Variants in TYK2 observed in about 807,000 individuals in gnomAD.
TYK2 encodes tyrosine kinase 2.
TYK2 carries 65 observed loss-of-function variants against 130.9 expected under a neutral mutation model. The observed-to-expected ratio is 0.50, with a 90% confidence interval of 0.41 to 0.61. The LOEUF (loss-of-function observed/expected upper bound fraction) is 0.61. Among genes scored for constraint, TYK2 ranks in the 20% least tolerant of loss-of-function variants. The probability of loss-of-function intolerance (pLI) is 0.00; values close to 1 mark genes in which losing one functional copy is unlikely to be tolerated. For missense variants in TYK2, 1,378 were observed against 1,610.7 expected (o/e 0.86, Z 2.47); for synonymous variants, 647 against 658.9 (o/e 0.98, Z 0.28).
At chr19:10,366,001 A>C in intron 6 of TYK2, 103 bp from the exon 7 acceptor site, 1 of 1,291,978 alleles carries the variant, frequency 7.7e-7, no homozygotes, top group Non-Finnish European at 1.0e-6. Flanking sequence ...CAGCTGCCTC[A>C]TCTGGAAAAC....
intron 3 of TYK2, among the ~76,000 whole-genome samples, chr19:10,374,410 C>T (rs1391339161): frequency 6.6e-5 from 10 of 150,594 alleles, no homozygotes; most frequent in Non-Finnish European, 5.9e-5. Context: ...ATGGTGAAAC[C>T]CCCGTCTCTA....
At position 10,353,610 on chromosome 19, in the gene TYK2, G is replaced by T; in HGVS notation, c.2945C>A (p.Pro982His). ...KSLQLVMEYV[P>H]LGSLRDYLPR... Reference sequence around the variant, plus strand: ...CAGGTAGTCTCGGAGGCTGCCCAGGGGCACGTACTCCATGACCAGCTGCAG... The same window carrying T: ...CAGGTAGTCTCGGAGGCTGCCCAGGTGCACGTACTCCATGACCAGCTGCAG... Residue 982 changes from proline (P) to histidine (H), a missense_variant, in exon 21 of 25, where the codon CCC becomes CAC. By Grantham distance (77) the Pro-to-His change is moderately conservative. Transcript: ENST00000525621. The surrounding 1 kb of genome is among the most constrained non-coding windows in gnomAD (Gnocchi z 6.9). The T allele has an allele frequency of 1.4e-6, 2 of 1,480,512 alleles. No individual in the cohort carries two copies. The highest frequency in any genetic ancestry group is 1.8e-6 in the Non-Finnish European group (2 of 1,114,026). 91.7% of individuals were successfully genotyped at this position (1,480,512 alleles called of 1,614,324 possible). A position where few individuals can be genotyped will look rare whatever the true frequency, so the allele number is the denominator to read the frequency against.
intron 9 of TYK2, 57 bp from the exon 10 acceptor site, chr19:10,362,714 C>A (rs954128164): frequency 6.9e-7 from 1 of 1,453,028 alleles, no homozygotes; most frequent in Admixed American, 2.0e-5. Flanking sequence ...GGACCCATAC[C>A]CGGGAACAAT....
Position 10,368,223 on chromosome 19 carries a change from G to A in TYK2, c.318-21C>T, listed in dbSNP as rs369670019. On this transcript the variant is annotated intron_variant, in intron 4 of 24. Transcript: ENST00000525621. ...AAAACCTGCAGGAAGGAGGGACGCA[G>A]CTGGGGCTTAGCACAGAGTCAGACC... The A allele has an allele frequency of 1.9e-6, 3 of 1,614,022 alleles. No individual in the cohort carries two copies. The Admixed American group carries it at 5.0e-5, about 27-fold the overall frequency.
chr19:10,364,952 G>A lies in TYK2; in HGVS notation c.1108C>T (p.Arg370Trp), dbSNP rs550060811. 369 of 1,614,102 alleles carry A rather than the reference G, an allele frequency of 2.3e-4. 5 individuals are homozygous for A. In the South Asian group the frequency reaches 3.9e-3, roughly 17 times the overall value. The part of the protein sequence containing the change: ...KAVGQPADRP[R>W]EPLWAYFCDF... ...CAGAAGTAGGCCCACAGTGGCTCCC[G>A]CGGCCTGTCTGCCGGCTGGCCGACT... The change falls in exon 8 of 25, where the codon CGG becomes TGG. Residue 370 changes from arginine (R) to tryptophan (W), a missense_variant. Coordinates refer to ENST00000525621, the MANE Select transcript of TYK2 (RefSeq NM_003331.5). This position sits in a 1 kb window ranked among gnomAD's most constrained non-coding sequence, Gnocchi z 4.9.
At chr19:10,372,690 G>A (rs931964385) in intron 3 of TYK2, among the ~76,000 whole-genome samples, 2 of 149,274 alleles carry the variant, frequency 1.3e-5, no homozygotes, top group East Asian at 2.0e-4. Flanking sequence ...GGGGTTTCGC[G>A]ATGTTGCCCA....
rs376912822 is a variant in TYK2, at chr19:10,362,677, G to T, written c.1368-20C>A. 6.5e-7 allele frequency: 1 copy of T among 1,549,360 alleles called. No individual in the cohort carries two copies. The highest frequency in any genetic ancestry group is 2.0e-5 in the Admixed American group (1 of 50,974). ...GGCTCCCTGGAAGGTGGTCCAGGGG[G>T]ACTATCAGGCCACCTGGGGCCACTC... is the stretch of plus-strand genomic sequence containing the variant. On this transcript the variant is annotated intron_variant, in intron 9 of 24. Transcript: ENST00000525621.
rs2040901358 is a variant in TYK2, at chr19:10,353,184, G to A, written c.3028-86C>T. 3.9e-6 allele frequency: 5 copies of A among 1,269,534 alleles called. 1 individual carries two copies. The South Asian group carries it at 6.8e-5, about 17-fold the overall frequency. The allele number at this position is 1,269,534 out of a possible 1,614,324, so 78.6% of individuals were successfully genotyped here. A position where few individuals can be genotyped will look rare whatever the true frequency, so the allele number is the denominator to read the frequency against. On this transcript the variant is annotated intron_variant, in intron 21 of 24. Transcript: ENST00000525621. The surrounding 1 kb of genome is among the most constrained non-coding windows in gnomAD (Gnocchi z 6.9). ...AGGACCTGAGCAGCCAGGAGGGCTG[G>A]GGGACAGTCAGGTCAGGCCGGTGGC...
At chr19:10,372,508 G>C (rs867663122) in intron 3 of TYK2, among the ~76,000 whole-genome samples, 1 of 11,492 alleles carries the variant, frequency 8.7e-5, no homozygotes, top group Admixed American at 8.4e-4. Context: ...TTTTTTTTTT[G>C]AGACAGCATC....
chr19:10,359,150 C>T (rs2041263031), intron 15 of TYK2, 25 bp downstream of exon 15: 1 of 1,598,860 alleles, frequency 6.3e-7, no homozygotes, highest in Admixed American at 1.7e-5. Context: ...CTGACCGACC[C>T]AGGCCCCACA....
At chr19:10,356,495 C>A in intron 18 of TYK2, 73 bp downstream of exon 18, 1 of 1,583,280 alleles carries the variant, frequency 6.3e-7, no homozygotes, top group Non-Finnish European at 8.6e-7. Flanking sequence ...ACCTCTCGTG[C>A]GCTATAGGCA....
At chr19:10,374,376 G>A (rs2042029565) in intron 3 of TYK2, among the ~76,000 whole-genome samples, 1 of 151,698 alleles carries the variant, frequency 6.6e-6, no homozygotes, top group African/African-American at 2.4e-5. Context: ...TTGAGGTCAG[G>A]AGTTCGAGAC....
In TYK2 at chr19:10,372,458, CTATATA is replaced by C. The variant is rs569826524; in HGVS notation, c.194-4046_194-4041del. ...TACAGGAACACGCCACCACACACAG[CTATATA>C]TATATATATATATATATATATTTTT... On this transcript the variant is annotated intron_variant, in intron 3 of 24. Transcript: ENST00000525621. 8.6e-3 allele frequency among the ~76,000 whole-genome samples: 394 copies of C among 45,856 alleles called. 4 individuals carry two copies. Among genetic ancestry groups the C allele is most frequent in the Non-Finnish European group, 9.7e-3 (280 of 28,934 alleles). 30.1% of individuals were successfully genotyped at this position (45,856 alleles called of 152,430 possible).
In TYK2 at chr19:10,365,904, G is replaced by A. The variant is rs1297456436; in HGVS notation, c.630-6C>T. 12 of 1,602,536 alleles carry A rather than the reference G, an allele frequency of 7.5e-6. No individual in the cohort carries two copies. The Middle Eastern group carries it at 5.1e-4, about 69-fold the overall frequency. On this transcript the variant is annotated splice_region_variant and splice_polypyrimidine_tract_variant and intron_variant, in intron 6 of 24. Coordinates refer to ENST00000525621, the MANE Select transcript of TYK2 (RefSeq NM_003331.5). ...GCGGGATGCAGTCCTTGAAGCTGGG[G>A]GGAAACACAGTGAGGGGCTGGTCAG...
intron 7 of TYK2, 110 bp from the exon 8 acceptor site, chr19:10,365,158 G>T: frequency 1.6e-6 from 2 of 1,262,568 alleles, no homozygotes; most frequent in South Asian, 1.5e-5. Context: ...CACCAACCTA[G>T]GTTGACCTCC....
chr19:10,366,308 G>GAAA, intron 6 of TYK2, 109 bp downstream of exon 6: 20 of 982,904 alleles, frequency 2.0e-5, no homozygotes, highest in Middle Eastern at 3.6e-4. Flanking sequence ...CTCCGGCTCA[G>GAAA]AAAAAAAAAA....
rs981530820 is a variant in TYK2, at chr19:10,353,262, CT to C, written c.3028-165del. On this transcript the variant is annotated intron_variant, in intron 21 of 24. Coordinates refer to ENST00000525621, the MANE Select transcript of TYK2 (RefSeq NM_003331.5). This position sits in a 1 kb window ranked among gnomAD's most constrained non-coding sequence, Gnocchi z 6.9. Reference sequence around the variant, plus strand: ...GCACGTGGCACCAAGCAAAAGGAGGCTGAGCCAGAAAGCAGGGACGGGGCTA... The same window carrying C: ...GCACGTGGCACCAAGCAAAAGGAGGCGAGCCAGAAAGCAGGGACGGGGCTA... The C allele has an allele frequency of 9.7e-6, 6 of 620,964 alleles. No homozygotes were observed. In the African/African-American group the frequency reaches 1.1e-4, roughly 12 times the overall value. The allele number at this position is 620,964 out of a possible 1,614,324, so 38.5% of individuals were successfully genotyped here. A position where few individuals can be genotyped will look rare whatever the true frequency, so the allele number is the denominator to read the frequency against.
intron 3 of TYK2, among the ~76,000 whole-genome samples, chr19:10,374,256 ACT>A (rs1367781462): frequency 6.7e-6 from 1 of 150,294 alleles, no homozygotes; most frequent in East Asian, 2.0e-4. Flanking sequence ...ACAGAGCGAG[ACT>A]CTGTCTCAAA....
chr19:10,374,629 T>TGTC lies in TYK2; in HGVS notation c.193+3582_193+3584dup, dbSNP rs2042047562. Among the ~76,000 whole-genome samples the TGTC allele has an allele frequency of 3.5e-5, 5 of 143,240 alleles. No individual in the cohort carries two copies. The South Asian group carries it at 1.1e-3, about 32-fold the overall frequency. The allele number at this position is 143,240 out of a possible 152,430, so 94.0% of individuals were successfully genotyped here. A position where few individuals can be genotyped will look rare whatever the true frequency, so the allele number is the denominator to read the frequency against. Reference sequence around the variant, plus strand: ...AAAGCCGGGCACGGTGGCTCACACCTGTCATCCCAGCACTTTGAGAGGCCG... The same window carrying TGTC: ...AAAGCCGGGCACGGTGGCTCACACCTGTCGTCATCCCAGCACTTTGAGAGGCCG... On this transcript the variant is annotated intron_variant, in intron 3 of 24. Transcript: ENST00000525621.
Sources: gnomAD v4.1 joint callset for allele counts (sites outside exome capture counted in the v4.1 genomes callset) on GRCh38, gnomAD v4.1.1 for gene constraint, Gnocchi (gnomAD v3.1) non-coding constraint, MANE v1.5 for transcripts, NCBI Gene and HGNC (gene_info 2026-07-23, HGNC 2026-07-21) for gene names.